Variants in NUF2 observed in about 807,000 individuals in gnomAD.
NUF2 encodes kinetochore protein Nuf2.
A neutral mutation model predicts 61.8 loss-of-function variants in NUF2; 34 were observed. The ratio of observed to expected loss-of-function variants is 0.55; its 90% CI spans 0.42 to 0.73. The LOEUF (loss-of-function observed/expected upper bound fraction) is 0.73. Ranked by LOEUF, NUF2 falls within the 30% of genes least tolerant of loss-of-function variation. The pLI, the probability that NUF2 is intolerant of heterozygous loss-of-function variation, is 0.00. For missense variants in NUF2, 445 were observed against 539.1 expected, an observed-to-expected ratio of 0.83 and a Z score of 1.73; for synonymous variants, 172 against 181.6, an observed-to-expected ratio of 0.95 and a Z score of 0.42.
chr1:163,328,655 T>C (rs1234282639), intron 4 of NUF2, 191 bp from the exon 5 acceptor site: 3 of 524,758 alleles, frequency 5.7e-6, no homozygotes, highest in Non-Finnish European at 1.0e-5. Flanking sequence ...CATGACTACA[T>C]GATTAATATA....
rs1340222659 is a variant in NUF2 at position 163,348,879 on chromosome 1, A to T, written c.1125-66A>T. On this transcript the variant is annotated intron_variant, in intron 12 of 13. Transcript: ENST00000271452. ...ACATGGTCACTTTGGAATCAAAACTAGAATTGTGTTTGCCTTTTTAGTTGC... is the reference window on the plus strand; with the variant it reads ...ACATGGTCACTTTGGAATCAAAACTTGAATTGTGTTTGCCTTTTTAGTTGC... 5.2e-6 allele frequency: 8 copies of T among 1,533,600 alleles called. No homozygotes were observed. In the East Asian group the frequency reaches 1.8e-4, roughly 35 times the overall value. 95.0% of individuals were successfully genotyped at this position (1,533,600 alleles called of 1,614,324 possible).
chr1:163,349,025 A>T lies in NUF2; in HGVS notation c.1205A>T (p.Lys402Ile). Reference sequence around the variant, plus strand: ...ATTAATCAAGAAATCCAAAAAATTAAACTTGGAATTCAACAACTAAAAGAT... The same window carrying T: ...ATTAATCAAGAAATCCAAAAAATTATACTTGGAATTCAACAACTAAAAGAT... ...TTINQEIQKI[K>I]LGIQQLKDAA... The change falls in exon 13 of 14, where the codon AAA (lysine) becomes ATA (isoleucine). Residue 402 changes from lysine to isoleucine, a missense_variant. Transcript: ENST00000271452. 6.2e-7 allele frequency: 1 copy of T among 1,612,412 alleles called. No homozygotes were observed. Among genetic ancestry groups the T allele is most frequent in the Non-Finnish European group, 8.5e-7 (1 of 1,179,458 alleles).
rs577441142 is a variant in NUF2 at position 163,354,089 on chromosome 1, G to A, written c.1261-1246G>A. Among the ~76,000 whole-genome samples the A allele has an allele frequency of 3.3e-5, 5 of 152,264 alleles. No homozygotes were observed. The East Asian group carries it at 9.6e-4, about 29-fold the overall frequency. On this transcript the variant is annotated intron_variant, in intron 13 of 13. Coordinates refer to ENST00000271452, the MANE Select transcript of NUF2 (RefSeq NM_145697.3). ...TAGAAAGTTAAATTGATTTATAGCT[G>A]CTGAATGTGCTGTTTTTTTATAATG...
At chr1:163,344,524 A>G (rs959802481) in intron 10 of NUF2, among the ~76,000 whole-genome samples, 1 of 151,282 alleles carries the variant, frequency 6.6e-6, no homozygotes, top group African/African-American at 2.4e-5. Context: ...TGTGTATGGA[A>G]GAATATTAAA....
At chr1:163,344,462 A>T (rs1651052707) in intron 10 of NUF2, among the ~76,000 whole-genome samples, 1 of 150,998 alleles carries the variant, frequency 6.6e-6, no homozygotes, top group African/African-American at 2.4e-5. Context: ...TCGTAGCATA[A>T]AAAAAAAGAC....
Position 163,339,484 on chromosome 1 carries a change from G to A in NUF2, c.606+7G>A, listed in dbSNP as rs3762433. ...GGATTTTCATCAAAAAACGGTATCT[G>A]TTGTGAGGCACCTTAAACTTTAAAA... On this transcript the variant is annotated splice_region_variant and intron_variant, in intron 8 of 13. Coordinates refer to ENST00000271452, the MANE Select transcript of NUF2 (RefSeq NM_145697.3). The A allele has an allele frequency of 0.045, 70,694 of 1,556,064 alleles. 1,838 individuals are homozygous for A. Among genetic ancestry groups the A allele is most frequent in the Admixed American group, 0.084 (5,031 of 59,646 alleles).
At chr1:163,344,425 G>A (rs1267307828) in intron 10 of NUF2, among the ~76,000 whole-genome samples, 2 of 150,950 alleles carry the variant, frequency 1.3e-5, no homozygotes, top group African/African-American at 4.9e-5. Context: ...GTGGAAGAGG[G>A]AAGGAAGAAT....
intron 6 of NUF2, 143 bp downstream of exon 6, chr1:163,336,991 C>T: frequency 1.7e-6 from 1 of 585,814 alleles, no homozygotes. Flanking sequence ...TTTATATTAA[C>T]TTGCAGATTT....
intron 2 of NUF2, 80 bp downstream of exon 2, chr1:163,326,254 A>G: frequency 7.4e-7 from 1 of 1,345,718 alleles, no homozygotes; most frequent in Non-Finnish European, 1.0e-6. Context: ...GTGGCAAGAA[A>G]GGGATATGGC....
intron 9 of NUF2, 27 bp downstream of exon 9, chr1:163,340,453 T>C (rs748610590): frequency 1.9e-6 from 3 of 1,555,220 alleles, no homozygotes; most frequent in Non-Finnish European, 2.7e-6. Context: ...TTCACTAGCA[T>C]TTAAAGTTTG....
intron 11 of NUF2, among the ~76,000 whole-genome samples, chr1:163,347,440 C>G (rs1460237111): frequency 6.6e-6 from 1 of 152,206 alleles, no homozygotes; most frequent in Admixed American, 6.5e-5. Context: ...AGCACCTACC[C>G]TTTTCCCTTT....
At position 163,332,717 on chromosome 1, in the gene NUF2, A is replaced by G. The variant is rs545131409; in HGVS notation, c.337+3810A>G. Among the ~76,000 whole-genome samples the G allele has an allele frequency of 1.1e-4, 17 of 152,180 alleles. No homozygotes were observed. The South Asian group carries it at 3.3e-3, about 30-fold the overall frequency. ...CTTTCTATTTTCTGTGTATAGTCCA[A>G]TCTCTCTCTACTTTCCTCTTATAAA... On this transcript the variant is annotated intron_variant, in intron 5 of 13. Transcript: ENST00000271452.
rs763726323 is a variant in NUF2 at position 163,347,956 on chromosome 1, A to G, written c.1124+18A>G. 1.2e-5 allele frequency: 17 copies of G among 1,444,902 alleles called. No homozygotes were observed. The South Asian group carries it at 1.7e-4, about 14-fold the overall frequency. The allele number at this position is 1,444,902 out of a possible 1,614,324, so 89.5% of individuals were successfully genotyped here. ...GTAATTGAGTATGGAGTTGTTTTCA[A>G]TTTTAGTGTATTAGAAAGCAATTAT... On this transcript the variant is annotated intron_variant, in intron 12 of 13. Transcript: ENST00000271452.
At position 163,346,123 on chromosome 1, in the gene NUF2, G is replaced by A. The variant is rs115484084; in HGVS notation, c.948+305G>A. 7.1e-3 allele frequency: 1,221 copies of A among 171,742 alleles called. 14 individuals are homozygous for A. Among genetic ancestry groups the A allele is most frequent in the African/African-American group, 0.027 (1,156 of 42,140 alleles). 10.6% of individuals were successfully genotyped at this position (171,742 alleles called of 1,614,324 possible). On this transcript the variant is annotated intron_variant, in intron 11 of 13. Transcript: ENST00000271452. ...AGGAGATTCATTTCAGGACCTCCAG[G>A]GGATGCCTGAAACTGTGGATAGTAA...
At position 163,339,241 on chromosome 1, in the gene NUF2, A is replaced by T. The variant is rs12087527; in HGVS notation, c.510-140A>T. 2.0e-4 allele frequency: 122 copies of T among 595,302 alleles called. No individual in the cohort carries two copies. In the African/African-American group the frequency reaches 2.1e-3, roughly 10 times the overall value. 36.9% of individuals were successfully genotyped at this position (595,302 alleles called of 1,614,324 possible). ...TAGTAGAGGCCAGATCATTCATTTT[A>T]AATGATTGCCACATGAAAGGGTGTA... is the stretch of plus-strand genomic sequence containing the variant. On this transcript the variant is annotated intron_variant, in intron 7 of 13. Transcript: ENST00000271452.
chr1:163,338,818 A>G (rs1650845994), intron 7 of NUF2, among the ~76,000 whole-genome samples: 1 of 152,182 alleles, frequency 6.6e-6, no homozygotes, highest in Non-Finnish European at 1.5e-5. Context: ...CCTAATATAC[A>G]AATATAATAT....
intron 12 of NUF2, among the ~76,000 whole-genome samples, chr1:163,348,264 C>T (rs1209595368): frequency 6.6e-6 from 1 of 152,088 alleles, no homozygotes; most frequent in African/African-American, 2.4e-5. Flanking sequence ...AACTAAATGG[C>T]CTATCTTATA....
intron 6 of NUF2, among the ~76,000 whole-genome samples, chr1:163,337,552 A>T (rs1050725164): frequency 5.3e-5 from 8 of 152,040 alleles, no homozygotes; most frequent in African/African-American, 1.9e-4. Context: ...AGCTTACCAC[A>T]TTCATGTGCC....
At chr1:163,350,564 G>A (rs1651282677) in intron 13 of NUF2, among the ~76,000 whole-genome samples, 1 of 152,086 alleles carries the variant, frequency 6.6e-6, no homozygotes, top group Admixed American at 6.6e-5. Context: ...AGTAGCAATT[G>A]TCTATTGTTA....
Sources: allele counts gnomAD v4.1 joint callset (sites outside exome capture counted in the v4.1 genomes callset), GRCh38; gene constraint gnomAD v4.1.1; transcripts MANE v1.5; gene names NCBI Gene and HGNC (gene_info 2026-07-23, HGNC 2026-07-21).